The following DPYSL2 variants were observed in gnomAD, a reference collection of about 807,000 sequenced individuals.
The protein encoded by DPYSL2 is dihydropyrimidinase like 2.
A neutral mutation model predicts 69.9 loss-of-function variants in DPYSL2; 13 were observed. The observed-to-expected ratio is 0.19, with a 90% CI of 0.12 to 0.30. DPYSL2 has a LOEUF of 0.30. Among genes scored for constraint, DPYSL2 ranks in the 10% least tolerant of loss-of-function variants. DPYSL2 has a pLI of 1.00. For synonymous variants in DPYSL2, 326 were observed against 359.1 expected, an observed-to-expected ratio of 0.91 and a Z score of 1.04; for missense variants, 587 against 918.9, an observed-to-expected ratio of 0.64 and a Z score of 4.67.
intron 1 of DPYSL2, among the ~76,000 whole-genome samples, chr8:26,566,308 C>T (rs988542110): frequency 2.0e-5 from 3 of 152,004 alleles, no homozygotes; most frequent in South Asian, 2.1e-4. Context: ...GGCCTGGGCT[C>T]AGATACAAAA....
intron 1 of DPYSL2, among the ~76,000 whole-genome samples, chr8:26,577,624 G>A (rs1043015140): frequency 9.4e-5 from 14 of 149,272 alleles, no homozygotes; most frequent in African/African-American, 3.2e-4. Flanking sequence ...CGGCCGCGAC[G>A]ACCACCCCTC....
At position 26,656,684 on chromosome 8, in the gene DPYSL2, A is replaced by T. The variant is rs556505378; in HGVS notation, c.*978A>T. The stretch of plus-strand genomic sequence containing the variant: ...GCCATTGCAAGCATAGTGCTGTGTC[A>T]TCCTGGTCCATGTAGGACTGGTGCT... On this transcript the variant is annotated 3_prime_UTR_variant, in exon 14 of 14. Coordinates refer to ENST00000521913, the MANE Select transcript of DPYSL2 (RefSeq NM_001197293.3). The T allele has an allele frequency of 6.5e-6, 1 of 152,782 alleles. No homozygotes were observed. Among genetic ancestry groups the T allele is most frequent in the South Asian group, 2.1e-4 (1 of 4,820 alleles). 9.5% of individuals were successfully genotyped at this position (152,782 alleles called of 1,614,324 possible). A position where few individuals can be genotyped will look rare whatever the true frequency, so the allele number is the denominator to read the frequency against.
intron 1 of DPYSL2, among the ~76,000 whole-genome samples, chr8:26,556,267 TATATATAGTATTTATATA>T (rs1490417832): frequency 3.0e-4 from 1 of 3,384 alleles, no homozygotes; most frequent in Non-Finnish European, 8.6e-4. Context: ...TATACTATAG[TATATATAGTATTTATATA>T]ATATATATAG....
At chr8:26,600,555 T>G (rs1276464176) in intron 3 of DPYSL2, among the ~76,000 whole-genome samples, 1 of 152,202 alleles carries the variant, frequency 6.6e-6, no homozygotes, top group Non-Finnish European at 1.5e-5. Flanking sequence ...GCCCGTGTAC[T>G]CATTCACTGA....
At chr8:26,596,200 G>A (rs114747125) in intron 3 of DPYSL2, among the ~76,000 whole-genome samples, 1,739 of 152,254 alleles carry the variant, frequency 0.011, 28 homozygotes, top group African/African-American at 0.039. Context: ...ATGGAAACTG[G>A]GCAGAAAGCC....
At chr8:26,570,864 G>A (rs996690070) in intron 1 of DPYSL2, among the ~76,000 whole-genome samples, 2 of 151,732 alleles carry the variant, frequency 1.3e-5, no homozygotes, top group African/African-American at 4.8e-5. Flanking sequence ...TCTATAAAAT[G>A]AGGATCTGAA....
At chr8:26,528,869 T>C (rs1028326374) in intron 1 of DPYSL2, among the ~76,000 whole-genome samples, 7 of 151,934 alleles carry the variant, frequency 4.6e-5, no homozygotes, top group East Asian at 1.9e-4. Flanking sequence ...GGAGGCCAGT[T>C]TGGATAACAT....
intron 7 of DPYSL2, among the ~76,000 whole-genome samples, chr8:26,631,725 C>T (rs879637677): frequency 5.3e-5 from 8 of 151,976 alleles, no homozygotes; most frequent in Non-Finnish European, 1.0e-4. Flanking sequence ...GTATGCCAGG[C>T]CCTGAGTCCT....
chr8:26,556,185 ATATATAT>A (rs1800959476), intron 1 of DPYSL2, among the ~76,000 whole-genome samples: 1 of 14,262 alleles, frequency 7.0e-5, no homozygotes, highest in African/African-American at 1.7e-4. Context: ...AGTATATACT[ATATATAT>A]TATATATACT....
rs1802013565 is a variant in DPYSL2, at chr8:26,602,376, T to C, written c.628+18393T>C. ...CAACACTAAGTGTGGTTCCCTTAAG[T>C]GCACTGGATTCAAGGTGACTTTGTC... is the stretch of plus-strand genomic sequence containing the variant. On this transcript the variant is annotated intron_variant, in intron 3 of 13. Transcript: ENST00000521913. 1.3e-5 allele frequency among the ~76,000 whole-genome samples: 2 copies of C among 152,162 alleles called. 1 individual carries two copies. The highest frequency in any genetic ancestry group is 4.8e-5 in the African/African-American group (2 of 41,446).
intron 1 of DPYSL2, among the ~76,000 whole-genome samples, chr8:26,552,579 CAA>C (rs1327054455): frequency 6.6e-6 from 1 of 152,126 alleles, no homozygotes; most frequent in African/African-American, 2.4e-5. Flanking sequence ...CTGGGAAGTC[CAA>C]AGTCCATGTG....
At chr8:26,559,238 C>T (rs550477965) in intron 1 of DPYSL2, among the ~76,000 whole-genome samples, 31 of 152,256 alleles carry the variant, frequency 2.0e-4, no homozygotes, top group South Asian at 1.5e-3. Flanking sequence ...CCACCACGTC[C>T]GGCCTAAACT....
chr8:26,556,747 TA>T (rs1800994896), intron 1 of DPYSL2, among the ~76,000 whole-genome samples: 1 of 152,018 alleles, frequency 6.6e-6, no homozygotes, highest in African/African-American at 2.4e-5. Flanking sequence ...AAACTGAATC[TA>T]AAGTTTATAT....
At position 26,588,983 on chromosome 8, in the gene DPYSL2, G is replaced by A. The variant is rs1323612175; in HGVS notation, c.628+5000G>A. Among the ~76,000 whole-genome samples, 1 of 152,176 alleles carries A rather than the reference G, an allele frequency of 6.6e-6. No individual in the cohort carries two copies. Among genetic ancestry groups the A allele is most frequent in the African/African-American group, 2.4e-5 (1 of 41,430 alleles). On this transcript the variant is annotated intron_variant, in intron 3 of 13. Coordinates refer to ENST00000521913, the MANE Select transcript of DPYSL2 (RefSeq NM_001197293.3). This position sits in a 1 kb window ranked among gnomAD's most constrained non-coding sequence, Gnocchi z 5.4. ...CTGGATTTTGGCCCTGTCCTCTGAGGAGTCTTACTGTCTGTCCCCCACCTC... is the reference window on the plus strand; with the variant it reads ...CTGGATTTTGGCCCTGTCCTCTGAGAAGTCTTACTGTCTGTCCCCCACCTC...
chr8:26,585,307 T>C lies in DPYSL2; in HGVS notation c.628+1324T>C, dbSNP rs17405591. Among the ~76,000 whole-genome samples, 14,863 of 152,152 alleles carry C rather than the reference T, an allele frequency of 0.098. 835 individuals are homozygous for C. Among genetic ancestry groups the C allele is most frequent in the Non-Finnish European group, 0.12 (8,282 of 67,988 alleles). On this transcript the variant is annotated intron_variant, in intron 3 of 13. Coordinates refer to ENST00000521913, the MANE Select transcript of DPYSL2 (RefSeq NM_001197293.3). This position sits in a 1 kb window ranked among gnomAD's most constrained non-coding sequence, Gnocchi z 4.0. ...GGTCTATCTGGAAGCTTCTTTTCTATCTTGCCTGAGCTAGAGGAATGTTGC... is the reference window on the plus strand; with the variant it reads ...GGTCTATCTGGAAGCTTCTTTTCTACCTTGCCTGAGCTAGAGGAATGTTGC...
At chr8:26,573,066 AC>A (rs1169530495) in intron 1 of DPYSL2, among the ~76,000 whole-genome samples, 1 of 152,222 alleles carries the variant, frequency 6.6e-6, no homozygotes, top group African/African-American at 2.4e-5. Context: ...TCCGTGTTCT[AC>A]CAGGCTTGCT....
At chr8:26,602,138 A>ATTTTTTTTTTTTTTTTTTTTT (rs374443692) in intron 3 of DPYSL2, among the ~76,000 whole-genome samples, 1 of 135,300 alleles carries the variant, frequency 7.4e-6, no homozygotes. Context: ...AACAAAGGAA[A>ATTTTTTTTTTTTTTTTTTTTT]TTTTTTTTTT....
At position 26,578,192 on chromosome 8, in the gene DPYSL2, C is replaced by T. The variant is rs1355665318; in HGVS notation, c.355-3777C>T. On this transcript the variant is annotated intron_variant, in intron 1 of 13. Transcript: ENST00000521913. ...AAACAAAACAAAAAAAACCCAAGTC[C>T]CCTTCCCGGCAGTTTTTGCCTTAAA... is the stretch of plus-strand genomic sequence containing the variant. 3.7e-6 allele frequency: 6 copies of T among 1,611,502 alleles called. No individual in the cohort carries two copies. The East Asian group carries it at 1.3e-4, about 36-fold the overall frequency.
In DPYSL2 at chr8:26,624,355, C is replaced by G. The variant is rs748137414; in HGVS notation, c.793+48C>G. On this transcript the variant is annotated intron_variant, in intron 4 of 13. Transcript: ENST00000521913. The surrounding 1 kb of genome is among the most constrained non-coding windows in gnomAD (Gnocchi z 4.7). ...CCTCTGCAGATGTTTCCGCTTCAGT[C>G]CATCAACTGGCACAGCCCTGGGAAG... 1.4e-5 allele frequency: 22 copies of G among 1,594,866 alleles called. No individual in the cohort carries two copies. The highest frequency in any genetic ancestry group is 1.3e-4 in the East Asian group (6 of 44,658).
Sources: allele counts gnomAD v4.1 joint callset (sites outside exome capture counted in the v4.1 genomes callset), GRCh38; gene constraint gnomAD v4.1.1; non-coding constraint Gnocchi (gnomAD v3.1); transcripts MANE v1.5; gene names NCBI Gene and HGNC (gene_info 2026-07-23, HGNC 2026-07-21).